Variants in INTS4 observed in about 807,000 individuals in gnomAD.
INTS4 encodes the protein integrator complex subunit 4.
INTS4 carries 70 observed loss-of-function variants against 119.5 expected under a neutral mutation model. The observed-to-expected ratio is 0.59, with a 90% CI of 0.48 to 0.71. The LOEUF (loss-of-function observed/expected upper bound fraction) is 0.71, where lower values mean the gene tolerates loss of function less well. Ranked by LOEUF, INTS4 falls within the 30% of genes least tolerant of loss-of-function variation. The pLI is 0.00. For synonymous variants in INTS4, 316 were observed against 419.6 expected, an observed-to-expected ratio of 0.75 and a Z score of 3.02; for missense variants, 867 against 1,173.2, an observed-to-expected ratio of 0.74 and a Z score of 3.81.
chr11:77,951,294 G>A (rs947730546), intron 8 of INTS4, among the ~76,000 whole-genome samples: 5 of 152,058 alleles, frequency 3.3e-5, no homozygotes, highest in African/African-American at 7.2e-5. Context: ...CTGAGGAATC[G>A]CTACAGGTAC....
rs575405187 is a variant in INTS4 at position 77,886,759 on chromosome 11, G to A, written c.2593-2807C>T. Among the ~76,000 whole-genome samples, 8 of 143,854 alleles carry A rather than the reference G, an allele frequency of 5.6e-5. No individual in the cohort carries two copies. The South Asian group carries it at 1.8e-3, about 32-fold the overall frequency. The allele number at this position is 143,854 out of a possible 152,430, so 94.4% of individuals were successfully genotyped here. A position where few individuals can be genotyped will look rare whatever the true frequency, so the allele number is the denominator to read the frequency against. ...AATAGGTGGGAGGCGCCCGGCGAGG[G>A]GGCGGGGCAGGGTCCGCAGGCCTTG... On this transcript the variant is annotated intron_variant, in intron 21 of 22. Transcript: ENST00000534064.
intron 8 of INTS4, among the ~76,000 whole-genome samples, chr11:77,948,017 TTTTC>T (rs985428451): frequency 6.6e-6 from 1 of 152,100 alleles, no homozygotes. Context: ...CTGATTTCTT[TTTTC>T]TTTATTTAGT....
chr11:77,973,554 T>G (rs959425967), intron 4 of INTS4, among the ~76,000 whole-genome samples: 1 of 146,136 alleles, frequency 6.8e-6, no homozygotes, highest in African/African-American at 2.6e-5. Context: ...GTCAGTTTTG[T>G]TTTTTTTTTA....
chr11:77,918,458 T>TGA, intron 15 of INTS4: 1 of 275,466 alleles, frequency 3.6e-6, no homozygotes. Context: ...CCTAGATCCC[T>TGA]GATGGTCATC....
intron 22 of INTS4, 36 bp downstream of exon 22, chr11:77,883,796 C>T: frequency 6.2e-7 from 1 of 1,607,556 alleles, no homozygotes; most frequent in Non-Finnish European, 8.5e-7. Flanking sequence ...TCTCCAGCAG[C>T]ATATTTCCCT....
At chr11:77,989,778 A>G (rs1856593014) in intron 2 of INTS4, among the ~76,000 whole-genome samples, 1 of 151,778 alleles carries the variant, frequency 6.6e-6, no homozygotes, top group African/African-American at 2.4e-5. Flanking sequence ...ACATGCCTGT[A>G]GTCCCAGCTA....
chr11:77,889,065 G>A (rs900563460), intron 21 of INTS4, among the ~76,000 whole-genome samples: 8 of 152,102 alleles, frequency 5.3e-5, no homozygotes, highest in Admixed American at 3.9e-4. Flanking sequence ...CCCAGTCATC[G>A]CATTACTGGG....
chr11:77,993,948 A>T (rs1856797758), intron 1 of INTS4, among the ~76,000 whole-genome samples: 1 of 151,390 alleles, frequency 6.6e-6, no homozygotes, highest in Non-Finnish European at 1.5e-5. Context: ...CTACGTGGAG[A>T]CACATGGAGC....
Position 77,991,914 on chromosome 11 carries a change from C to T in INTS4, c.55-615G>A, listed in dbSNP as rs146713772. On this transcript the variant is annotated intron_variant, in intron 1 of 22. Transcript: ENST00000534064. Reference sequence around the variant, plus strand: ...GGATTATAGGTGTGTGCCACCTCCACCTACTACGTTCAAGCGATTCACCTC... The same window carrying T: ...GGATTATAGGTGTGTGCCACCTCCATCTACTACGTTCAAGCGATTCACCTC... 4.1e-3 allele frequency among the ~76,000 whole-genome samples: 622 copies of T among 152,114 alleles called. 2 individuals carry two copies. Among genetic ancestry groups the T allele is most frequent in the Non-Finnish European group, 7.4e-3 (500 of 68,000 alleles).
At chr11:77,959,539 C>A (rs534451964) in intron 6 of INTS4, among the ~76,000 whole-genome samples, 2 of 152,166 alleles carry the variant, frequency 1.3e-5, no homozygotes, top group East Asian at 3.9e-4. Flanking sequence ...AATCAGCCAA[C>A]TAACTTCCCT....
At chr11:77,994,456 C>A (rs886112778) in intron 1 of INTS4, 134 bp downstream of exon 1, 11 of 705,042 alleles carry the variant, frequency 1.6e-5, no homozygotes, top group Non-Finnish European at 2.5e-5. Flanking sequence ...CACTAACTTG[C>A]AATATCAGAG....
At chr11:77,937,830 T>TATTA (rs1313442014) in intron 10 of INTS4, among the ~76,000 whole-genome samples, 1 of 27,696 alleles carries the variant, frequency 3.6e-5, no homozygotes, top group African/African-American at 1.6e-4. Context: ...TTTATTTATT[T>TATTA]ATTTATTTAT....
chr11:77,990,674 A>G (rs1856642443), intron 2 of INTS4, among the ~76,000 whole-genome samples: 1 of 141,050 alleles, frequency 7.1e-6, no homozygotes, highest in Admixed American at 7.5e-5. Context: ...CAACAGAGCG[A>G]GACTCTGTCT....
In INTS4 at chr11:77,883,914, G is replaced by C; in HGVS notation, c.2631C>G (p.Pro877=). Residue 877 remains proline, a synonymous_variant, in exon 22 of 23, where the codon CCC becomes CCG. Coordinates refer to ENST00000534064, the MANE Select transcript of INTS4 (RefSeq NM_033547.4). ...CAGGATTCCGGAAGTCTGCAGGCTT[G>C]GGGTGAATCATCTGAGCCTGGCCAT... ...YPDGQAQMIH[P]KPADFRNPGP... The C allele has an allele frequency of 1.9e-6, 3 of 1,613,182 alleles. 1 individual carries two copies. The South Asian group carries it at 3.3e-5, about 18-fold the overall frequency.
At chr11:77,952,331 T>C (rs1435421429) in intron 8 of INTS4, among the ~76,000 whole-genome samples, 3 of 152,228 alleles carry the variant, frequency 2.0e-5, no homozygotes, top group Non-Finnish European at 2.9e-5. Flanking sequence ...TCATTTACTA[T>C]CTGTGTGGTC....
At position 77,920,126 on chromosome 11, in the gene INTS4, T is replaced by A. The variant is rs554196304; in HGVS notation, c.1765-1148A>T. Among the ~76,000 whole-genome samples, 7 of 149,790 alleles carry A rather than the reference T, an allele frequency of 4.7e-5. No individual in the cohort carries two copies. In the East Asian group the frequency reaches 1.4e-3, roughly 29 times the overall value. ...ACCTGGCCTCATTTTGTATTTTCTATAAAGTTTAAATTTTCTAACCATATA... is the reference window on the plus strand; with the variant it reads ...ACCTGGCCTCATTTTGTATTTTCTAAAAAGTTTAAATTTTCTAACCATATA... On this transcript the variant is annotated intron_variant, in intron 14 of 22. Coordinates refer to ENST00000534064, the MANE Select transcript of INTS4 (RefSeq NM_033547.4).
At chr11:77,899,090 G>A (rs1302487249) in intron 18 of INTS4, among the ~76,000 whole-genome samples, 3 of 152,238 alleles carry the variant, frequency 2.0e-5, no homozygotes, top group Non-Finnish European at 4.4e-5. Flanking sequence ...ATAACCCTGT[G>A]AGGAAGAGAT....
intron 11 of INTS4, among the ~76,000 whole-genome samples, chr11:77,926,811 CAAA>C (rs61446262): frequency 1.8e-4 from 19 of 103,458 alleles, no homozygotes; most frequent in Admixed American, 3.1e-4. Flanking sequence ...GACTCAGCCT[CAAA>C]AAAAAAAAAA....
chr11:77,941,120 A>G (rs1232019087), intron 9 of INTS4, 60 bp downstream of exon 9: 9 of 1,593,790 alleles, frequency 5.6e-6, no homozygotes, highest in Non-Finnish European at 7.7e-6. Context: ...ACAACTCAGC[A>G]TACTGCCCCA....
Sources: gnomAD v4.1 joint callset for allele counts (sites outside exome capture counted in the v4.1 genomes callset) on GRCh38, gnomAD v4.1.1 for gene constraint, MANE v1.5 for transcripts, NCBI Gene and HGNC (gene_info 2026-07-23, HGNC 2026-07-21) for gene names.